The following MGMT variants were observed in gnomAD, a reference collection of about 807,000 sequenced individuals.
MGMT encodes the protein methylated-DNA--protein-cysteine methyltransferase.
Under a neutral mutation model 15.9 loss-of-function variants are expected in MGMT, and 14 were observed. The ratio of observed to expected loss-of-function variants is 0.88; its 90% CI spans 0.58 to 1.37. The LOEUF (loss-of-function observed/expected upper bound fraction) is 1.37. Ranked by LOEUF, MGMT falls within the 40% of genes most tolerant of loss-of-function variation. The pLI, the probability that MGMT is intolerant of heterozygous loss-of-function variation, is 0.00. For missense variants in MGMT, 282 were observed against 268.1 expected, an observed-to-expected ratio of 1.05 and a Z score of -0.36; for synonymous variants, 130 against 118.2, an observed-to-expected ratio of 1.10 and a Z score of -0.65.
chr10:129,557,618 T>G (rs1336064708), intron 2 of MGMT, among the ~76,000 whole-genome samples: 1 of 152,212 alleles, frequency 6.6e-6, no homozygotes, highest in Non-Finnish European at 1.5e-5. Flanking sequence ...AATCTCTGGA[T>G]TTTTATGTCG....
At chr10:129,722,184 C>T (rs981140816) in intron 3 of MGMT, among the ~76,000 whole-genome samples, 3 of 151,728 alleles carry the variant, frequency 2.0e-5, no homozygotes, top group African/African-American at 7.3e-5. Context: ...CTATTAAAAC[C>T]AATAAGTGAA....
intron 2 of MGMT, among the ~76,000 whole-genome samples, chr10:129,672,827 T>C (rs1429042813): frequency 6.6e-6 from 1 of 152,206 alleles, no homozygotes; most frequent in Middle Eastern, 3.2e-3. Context: ...TTGTTCATAT[T>C]GTCTTATCTC....
At chr10:129,611,594 G>C (rs1245638141) in intron 2 of MGMT, among the ~76,000 whole-genome samples, 1 of 152,192 alleles carries the variant, frequency 6.6e-6, no homozygotes, top group Admixed American at 6.5e-5. Context: ...CTGCAGGATC[G>C]GGCAAGGGAG....
At chr10:129,600,285 C>A (rs1200759766) in intron 2 of MGMT, among the ~76,000 whole-genome samples, 1 of 152,172 alleles carries the variant, frequency 6.6e-6, no homozygotes, top group African/African-American at 2.4e-5. Flanking sequence ...TAGCTCTCAC[C>A]TTAGTCCCTA....
rs1491458692 is a variant in MGMT at position 129,484,645 on chromosome 10, CAT to C, written c.-13+17350_-13+17351del. On this transcript the variant is annotated intron_variant, in intron 1 of 4. Transcript: ENST00000651593. ...TTGTGGGTTATATCCCTCTGCTTCTCATGTGTGTGTGTTTTAAATGGGATCCT... is the reference window on the plus strand; with the variant it reads ...TTGTGGGTTATATCCCTCTGCTTCTCGTGTGTGTGTTTTAAATGGGATCCT... 1.1e-4 allele frequency among the ~76,000 whole-genome samples: 17 copies of C among 152,254 alleles called. No homozygotes were observed. In the East Asian group the frequency reaches 1.7e-3, roughly 16 times the overall value.
At chr10:129,722,346 A>G (rs571797120) in intron 3 of MGMT, among the ~76,000 whole-genome samples, 1 of 152,348 alleles carries the variant, frequency 6.6e-6, no homozygotes, top group East Asian at 1.9e-4. Flanking sequence ...CCTCTCTACT[A>G]AACAGCATAA....
In MGMT at chr10:129,682,342, G is replaced by A. The variant is rs527371472; in HGVS notation, c.126-25553G>A. On this transcript the variant is annotated intron_variant, in intron 2 of 4. Coordinates refer to ENST00000651593, the MANE Select transcript of MGMT (RefSeq NM_002412.5). Reference sequence around the variant, plus strand: ...AAAAAGCAGCCAACTATTGATACACGGTACAATTTGGATGGATCTAAAGGG... The same window carrying A: ...AAAAAGCAGCCAACTATTGATACACAGTACAATTTGGATGGATCTAAAGGG... Among the ~76,000 whole-genome samples, 8 of 152,104 alleles carry A rather than the reference G, an allele frequency of 5.3e-5. No individual in the cohort carries two copies. In the East Asian group the frequency reaches 7.8e-4, roughly 15 times the overall value.
At chr10:129,637,700 C>T (rs1847277899) in intron 2 of MGMT, among the ~76,000 whole-genome samples, 1 of 152,078 alleles carries the variant, frequency 6.6e-6, no homozygotes, top group African/African-American at 2.4e-5. Flanking sequence ...TTAGAATAGG[C>T]CCTAATTCAG....
chr10:129,654,809 C>T (rs1281373036), intron 2 of MGMT, among the ~76,000 whole-genome samples: 1 of 152,108 alleles, frequency 6.6e-6, no homozygotes, highest in Non-Finnish European at 1.5e-5. Flanking sequence ...ACACGTGATA[C>T]CTGAGGGTGG....
At chr10:129,708,460 A>G (rs927619160) in intron 3 of MGMT, among the ~76,000 whole-genome samples, 1 of 152,216 alleles carries the variant, frequency 6.6e-6, no homozygotes, top group Non-Finnish European at 1.5e-5. Flanking sequence ...TGACACTTAC[A>G]TCATAGCAGG....
intron 2 of MGMT, among the ~76,000 whole-genome samples, chr10:129,704,924 C>G (rs1848142645): frequency 6.6e-6 from 1 of 152,176 alleles, no homozygotes; most frequent in Admixed American, 6.5e-5. Context: ...GGATGACATG[C>G]ACATTTCTGC....
chr10:129,617,451 T>G (rs1161539898), intron 2 of MGMT, among the ~76,000 whole-genome samples: 1 of 152,186 alleles, frequency 6.6e-6, no homozygotes, highest in Non-Finnish European at 1.5e-5. Flanking sequence ...TGCCCAATAA[T>G]AGGATTGTGG....
intron 2 of MGMT, among the ~76,000 whole-genome samples, chr10:129,598,113 C>A (rs1031990745): frequency 7.2e-5 from 11 of 152,152 alleles, no homozygotes; most frequent in Admixed American, 7.2e-4. Context: ...GTTCTAGGCA[C>A]CGTGGATGCG....
chr10:129,571,837 A>C (rs1396351443), intron 2 of MGMT, among the ~76,000 whole-genome samples: 3 of 152,236 alleles, frequency 2.0e-5, no homozygotes, highest in Non-Finnish European at 4.4e-5. Context: ...TATCTGATAT[A>C]AATATGACTT....
intron 2 of MGMT, among the ~76,000 whole-genome samples, chr10:129,564,861 G>A (rs1188534975): frequency 6.6e-6 from 1 of 151,930 alleles, no homozygotes; most frequent in African/African-American, 2.4e-5. Flanking sequence ...TCCCGGGGCA[G>A]CCACTGAGCA....
intron 3 of MGMT, among the ~76,000 whole-genome samples, chr10:129,739,227 C>G (rs1848602246): frequency 6.6e-6 from 1 of 152,198 alleles, no homozygotes; most frequent in African/African-American, 2.4e-5. Context: ...GAAACATTCA[C>G]TTTGAAAATC....
At chr10:129,621,322 A>C (rs1328377717) in intron 2 of MGMT, among the ~76,000 whole-genome samples, 2 of 152,216 alleles carry the variant, frequency 1.3e-5, no homozygotes, top group East Asian at 3.8e-4. Flanking sequence ...ACGGCCATTG[A>C]TCTTACTTCT....
chr10:129,580,926 A>T (rs574831), intron 2 of MGMT, among the ~76,000 whole-genome samples: 2 of 152,040 alleles, frequency 1.3e-5, no homozygotes, highest in Non-Finnish European at 2.9e-5. Context: ...TGAGAAATGC[A>T]TCCTTACACG....
At chr10:129,530,758 G>T (rs905630258) in intron 1 of MGMT, among the ~76,000 whole-genome samples, 4 of 152,242 alleles carry the variant, frequency 2.6e-5, no homozygotes, top group Non-Finnish European at 5.9e-5. Context: ...GGGCCCGAGG[G>T]TGGCTGTGTC....
Sources: allele counts gnomAD v4.1 joint callset (sites outside exome capture counted in the v4.1 genomes callset), GRCh38; gene constraint gnomAD v4.1.1; transcripts MANE v1.5; gene names NCBI Gene and HGNC (gene_info 2026-07-23, HGNC 2026-07-21).